The following PPP2R1B variants were observed in gnomAD, a reference collection of about 807,000 sequenced individuals.
PPP2R1B encodes the protein serine/threonine-protein phosphatase 2A 65 kDa regulatory subunit A beta isoform.
PPP2R1B carries 58 observed loss-of-function variants against 72.7 expected under a neutral mutation model. The ratio of observed to expected loss-of-function variants is 0.80; its 90% confidence interval spans 0.65 to 0.99. The LOEUF is 0.99. Among genes scored for constraint, PPP2R1B ranks in the 50% least tolerant of loss-of-function variants. The pLI is 0.00. For synonymous variants in PPP2R1B, 256 were observed against 264.6 expected (o/e 0.97, Z 0.32); for missense variants, 695 against 733.6 (o/e 0.95, Z 0.61).
chr11:111,766,131 T>G (rs1555053030), intron 1 of PPP2R1B, 117 bp downstream of exon 1: 1 of 941,430 alleles, frequency 1.1e-6, no homozygotes, highest in African/African-American at 1.6e-5. Context: ...TTCAAGTTTC[T>G]GCTACGAGTC....
chr11:111,693,327 G>A, the PPP2R1B span, among the ~76,000 whole-genome samples: 16 of 146,666 alleles, frequency 1.1e-4, 1 homozygote, highest in South Asian at 3.0e-3. Context: ...AGGAGACTCC[G>A]TCTCAAAAAA....
chr11:111,695,888 T>C, the PPP2R1B span, among the ~76,000 whole-genome samples: 3 of 152,234 alleles, frequency 2.0e-5, no homozygotes, highest in African/African-American at 7.2e-5. Flanking sequence ...GTTTGGGCAC[T>C]GATAATTTAT....
chr11:111,742,015 A>C (rs764113457), intron 14 of PPP2R1B, 38 bp downstream of exon 14: 1 of 1,512,084 alleles, frequency 6.6e-7, no homozygotes, highest in South Asian at 1.1e-5. Context: ...CCAGTTAACC[A>C]AGGCATAAGC....
chr11:111,731,496 T>C (rs573253819), intron 15 of PPP2R1B, among the ~76,000 whole-genome samples: 1 of 152,368 alleles, frequency 6.6e-6, no homozygotes, highest in Admixed American at 6.5e-5. Flanking sequence ...ATCCTGGACC[T>C]GTTTCAGTGC....
downstream of PPP2R1B, chr11:111,725,250 G>C (rs557160425): frequency 2.6e-5 from 4 of 152,694 alleles, no homozygotes; most frequent in Non-Finnish European, 5.9e-5. Flanking sequence ...TAAATCCAAA[G>C]TCACTTCAGA....
At position 111,741,599 on chromosome 11, in the gene PPP2R1B, T is replaced by G. The variant is rs1248138219; in HGVS notation, c.1803A>C (p.Ala601=). The G allele has an allele frequency of 1.2e-6, 2 of 1,613,334 alleles. No individual in the cohort carries two copies. Among genetic ancestry groups the G allele is most frequent in the East Asian group, 2.2e-5 (1 of 44,874 alleles). Residue 601 remains alanine, a synonymous_variant, in exon 15 of 15, where the codon GCA becomes GCC. Transcript: ENST00000527614. ...AQEAISVLAL[A] is the part of the protein sequence containing the mutation. The stretch of plus-strand genomic sequence containing the variant: ...GCCTTTTCCCTCCTGCTCCTCATTA[T>G]GCCAATGCAAGAACTGGAAAATTCC...
the PPP2R1B span, among the ~76,000 whole-genome samples, chr11:111,689,937 A>G: frequency 3.3e-5 from 5 of 151,930 alleles, no homozygotes; most frequent in African/African-American, 7.3e-5. Context: ...ATAAGACAAA[A>G]TGTTTTTAAG....
the PPP2R1B span, chr11:111,700,801 A>G: frequency 6.6e-7 from 1 of 1,514,180 alleles, no homozygotes; most frequent in Non-Finnish European, 9.0e-7. Flanking sequence ...TATTGTTAAT[A>G]TAGCATATTA....
chr11:111,704,471 G>A, the PPP2R1B span, among the ~76,000 whole-genome samples: 1,611 of 152,300 alleles, frequency 0.011, 21 homozygotes, highest in South Asian at 0.027. Flanking sequence ...ACCTAAGAAC[G>A]GAGACATAGT....
At chr11:111,723,976 C>G, downstream of PPP2R1B, 1 of 1,614,178 alleles carries the variant, frequency 6.2e-7, no homozygotes, top group Non-Finnish European at 8.5e-7. Flanking sequence ...AGCAGAGCGA[C>G]CTAACGGGGC....
intron 11 of PPP2R1B, among the ~76,000 whole-genome samples, chr11:111,745,706 A>C (rs1591684246): frequency 6.6e-6 from 1 of 152,246 alleles, no homozygotes; most frequent in Admixed American, 6.5e-5. Context: ...TAAATAAATA[A>C]ATTTCCCTTC....
the PPP2R1B span, chr11:111,720,398 C>T: frequency 7.1e-7 from 1 of 1,403,912 alleles, no homozygotes; most frequent in African/African-American, 1.4e-5. Context: ...TGTCAAAACT[C>T]AAGCTGGTTA....
chr11:111,715,254 C>T, the PPP2R1B span, among the ~76,000 whole-genome samples: 1 of 152,194 alleles, frequency 6.6e-6, no homozygotes, highest in African/African-American at 2.4e-5. Flanking sequence ...TCAGCAAAAA[C>T]GCTTGTCCCT....
At chr11:111,691,979 A>G in the PPP2R1B span, among the ~76,000 whole-genome samples, 1 of 152,186 alleles carries the variant, frequency 6.6e-6, no homozygotes, top group Non-Finnish European at 1.5e-5. Context: ...GTCTGGAAGA[A>G]TCAGGGAAAT....
At position 111,764,790 on chromosome 11, in the gene PPP2R1B, C is replaced by T. The variant is rs1945458113; in HGVS notation, c.306+15G>A. 1 of 1,612,930 alleles carries T rather than the reference C, an allele frequency of 6.2e-7. No individual in the cohort carries two copies. The highest frequency in any genetic ancestry group is 8.5e-7 in the Non-Finnish European group (1 of 1,179,404). On this transcript the variant is annotated intron_variant, in intron 3 of 14. Transcript: ENST00000527614. ...AAAGTTGTAGAAGGAGGGTAGGCAG[C>T]TTATAAATACTCACCAGCAGACAGT...
At chr11:111,736,600 C>G (rs1944347799), downstream of PPP2R1B, among the ~76,000 whole-genome samples, 1 of 152,186 alleles carries the variant, frequency 6.6e-6, no homozygotes, top group Non-Finnish European at 1.5e-5. Flanking sequence ...TGCCCACGGA[C>G]AAGTGTGCAG....
chr11:111,710,437 A>G, the PPP2R1B span, among the ~76,000 whole-genome samples: 2 of 152,250 alleles, frequency 1.3e-5, no homozygotes, highest in Non-Finnish European at 2.9e-5. Flanking sequence ...ATTGGAATAT[A>G]CCAAATATAA....
At chr11:111,732,202 T>TA (rs1179445389) in intron 15 of PPP2R1B, among the ~76,000 whole-genome samples, 1 of 152,246 alleles carries the variant, frequency 6.6e-6, no homozygotes, top group East Asian at 1.9e-4. Context: ...AGCTGCTTTC[T>TA]GCCCCACTAG....
At chr11:111,742,229 T>C in intron 13 of PPP2R1B, 85 bp from the exon 14 acceptor site, 4 of 1,055,418 alleles carry the variant, frequency 3.8e-6, no homozygotes, top group South Asian at 3.0e-5. Flanking sequence ...TGGTAATTGT[T>C]AAAATTTAAA....
Sources: allele counts gnomAD v4.1 joint callset (sites outside exome capture counted in the v4.1 genomes callset), GRCh38; gene constraint gnomAD v4.1.1; transcripts MANE v1.5; gene names NCBI Gene and HGNC (gene_info 2026-07-23, HGNC 2026-07-21).